Variants in NRXN1 observed in about 807,000 individuals in gnomAD.
NRXN1 encodes neurexin 1, also known as neurexin-1.
NRXN1 carries 39 observed loss-of-function variants against 150.9 expected under a neutral mutation model. The observed-to-expected ratio is 0.26, with a 90% CI of 0.20 to 0.34. NRXN1 has a LOEUF of 0.34. Ranked by LOEUF, NRXN1 falls within the 10% of genes least tolerant of loss-of-function variation. The pLI, the probability that NRXN1 is intolerant of heterozygous loss-of-function variation, is 1.00. For synonymous variants in NRXN1, 924 were observed against 757.0 expected (o/e 1.22, Z -3.62); for missense variants, 1,815 against 1,949.9 (o/e 0.93, Z 1.30).
intron 18 of NRXN1, among the ~76,000 whole-genome samples, chr2:50,224,003 T>C (rs751910523): frequency 5.3e-5 from 8 of 151,974 alleles, no homozygotes; most frequent in Non-Finnish European, 1.2e-4. Context: ...TACCTATAAT[T>C]GTACCCATTA....
chr2:50,345,935 T>A lies in NRXN1; in HGVS notation c.3365-108965A>T, dbSNP rs550721922. Among the ~76,000 whole-genome samples, 56 of 152,270 alleles carry A rather than the reference T, an allele frequency of 3.7e-4. 1 individual carries two copies. The East Asian group carries it at 9.1e-3, about 25-fold the overall frequency. On this transcript the variant is annotated intron_variant, in intron 17 of 22. Coordinates refer to ENST00000401669, the MANE Select transcript of NRXN1 (RefSeq NM_001330078.2). ...TCCTCCGGGAGATGGGTATGTGTAG[T>A]CAAGCCTCTCTCTGTTCCATTTAGA...
intron 5 of NRXN1, among the ~76,000 whole-genome samples, chr2:50,681,154 C>T (rs973533171): frequency 6.6e-6 from 1 of 152,170 alleles, no homozygotes; most frequent in African/African-American, 2.4e-5. Context: ...AGATAATGCA[C>T]AGACTCTAAT....
At position 51,031,965 on chromosome 2, in the gene NRXN1, A is replaced by C. The variant is rs1368043052; in HGVS notation, c.-922+16T>G. 1 of 151,976 alleles carries C rather than the reference A, an allele frequency of 6.6e-6. No homozygotes were observed. The highest frequency in any genetic ancestry group is 1.9e-4 in the East Asian group (1 of 5,158). The allele number at this position is 151,976 out of a possible 1,614,324, so 9.4% of individuals were successfully genotyped here. On this transcript the variant is annotated intron_variant, in intron 1 of 22. Coordinates refer to ENST00000401669, the MANE Select transcript of NRXN1 (RefSeq NM_001330078.2). ...CGCCCCATCCCCTCCCCCCAACCCA[A>C]ATTGAGCTTCTTTACCTGCCCGGTT...
chr2:50,815,875 C>T (rs1049725181), intron 5 of NRXN1, among the ~76,000 whole-genome samples: 4 of 152,090 alleles, frequency 2.6e-5, no homozygotes, highest in Non-Finnish European at 5.9e-5. Context: ...TTAAATAATG[C>T]ATAAGTGTAT....
intron 5 of NRXN1, among the ~76,000 whole-genome samples, chr2:50,764,640 T>C (rs1283903443): frequency 6.6e-6 from 1 of 151,960 alleles, no homozygotes; most frequent in African/African-American, 2.4e-5. Flanking sequence ...CTCAGCCATA[T>C]TGTTAGTAAG....
Position 50,437,708 on chromosome 2 carries a change from T to TTGTG in NRXN1, c.3364+27730_3364+27733dup, listed in dbSNP as rs10531409. On this transcript the variant is annotated intron_variant, in intron 17 of 22. Coordinates refer to ENST00000401669, the MANE Select transcript of NRXN1 (RefSeq NM_001330078.2). The stretch of plus-strand genomic sequence containing the variant: ...ATGATACAGGGAGTTCTGGATGCAT[T>TTGTG]TGTGTGTGTGTGTGTGTGTGTGAAA... Among the ~76,000 whole-genome samples, 914 of 149,840 alleles carry TTGTG rather than the reference T, an allele frequency of 6.1e-3. 12 individuals carry two copies. Among genetic ancestry groups the TTGTG allele is most frequent in the African/African-American group, 0.02 (839 of 40,988 alleles).
chr2:50,264,905 C>G (rs1329856173), intron 17 of NRXN1, among the ~76,000 whole-genome samples: 3 of 152,162 alleles, frequency 2.0e-5, no homozygotes, highest in East Asian at 1.9e-4. Flanking sequence ...AGAAGCTTGA[C>G]TAATCACATG....
At chr2:50,174,570 C>T (rs1051670565) in intron 18 of NRXN1, 2 of 152,086 alleles carry the variant, frequency 1.3e-5, no homozygotes, top group East Asian at 1.9e-4. Flanking sequence ...ATCACATTAA[C>T]GTCATAGCAC....
chr2:50,882,967 T>C (rs1031986920), intron 5 of NRXN1, among the ~76,000 whole-genome samples: 2 of 151,842 alleles, frequency 1.3e-5, no homozygotes, highest in African/African-American at 4.8e-5. Context: ...TTACCTGACA[T>C]ACATATTTGG....
chr2:50,846,802 T>C (rs961395549), intron 5 of NRXN1, among the ~76,000 whole-genome samples: 2 of 152,306 alleles, frequency 1.3e-5, no homozygotes, highest in Admixed American at 1.3e-4. Flanking sequence ...GCCAAGCCCC[T>C]ATAACAAAAG....
chr2:50,558,083 G>C (rs1668513266), intron 8 of NRXN1, among the ~76,000 whole-genome samples: 1 of 152,158 alleles, frequency 6.6e-6, no homozygotes, highest in East Asian at 1.9e-4. Context: ...ACAACAATCA[G>C]TTAAGATTTA....
intron 5 of NRXN1, among the ~76,000 whole-genome samples, chr2:50,758,316 C>G (rs1036094892): frequency 1.3e-5 from 2 of 151,740 alleles, no homozygotes; most frequent in Admixed American, 6.6e-5. Context: ...TAATGACTGA[C>G]TCTCTCATGA....
chr2:50,119,819 T>G (rs1703616386), intron 18 of NRXN1, among the ~76,000 whole-genome samples: 1 of 152,234 alleles, frequency 6.6e-6, no homozygotes, highest in South Asian at 2.1e-4. Context: ...CCAGTCATTT[T>G]TATATTTCAG....
chr2:50,082,243 A>G (rs1698078723), intron 19 of NRXN1, among the ~76,000 whole-genome samples: 1 of 152,228 alleles, frequency 6.6e-6, no homozygotes, highest in Non-Finnish European at 1.5e-5. Context: ...AAAGTCCTTC[A>G]AGACAATCTC....
rs538898544 is a variant in NRXN1 at position 50,926,065 on chromosome 2, A to G, written c.773-110T>C. ...CCTCATGCAAGGCACCAAACACATC[A>G]TGCAAGTGCTCCATCACTATCATTC... is the stretch of plus-strand genomic sequence containing the variant. On this transcript the variant is annotated intron_variant, in intron 2 of 22. Coordinates refer to ENST00000401669, the MANE Select transcript of NRXN1 (RefSeq NM_001330078.2). The G allele has an allele frequency of 1.0e-5, 8 of 796,932 alleles. No homozygotes were observed. In the South Asian group the frequency reaches 1.0e-4, roughly 10 times the overall value. 49.4% of individuals were successfully genotyped at this position (796,932 alleles called of 1,614,324 possible).
At chr2:50,044,802 C>T (rs1319264085) in intron 21 of NRXN1, among the ~76,000 whole-genome samples, 3 of 152,080 alleles carry the variant, frequency 2.0e-5, no homozygotes, top group Non-Finnish European at 4.4e-5. Context: ...GCAAAGTGTG[C>T]TACATATATT....
chr2:50,052,756 A>C (rs1395800172), intron 21 of NRXN1, among the ~76,000 whole-genome samples: 2 of 152,162 alleles, frequency 1.3e-5, no homozygotes, highest in Non-Finnish European at 2.9e-5. Flanking sequence ...TTAAATAAAT[A>C]GTGAAAGAGT....
chr2:50,899,344 A>G (rs954687210), intron 5 of NRXN1, among the ~76,000 whole-genome samples: 2 of 152,150 alleles, frequency 1.3e-5, no homozygotes, highest in Non-Finnish European at 2.9e-5. Flanking sequence ...TGGAACATTA[A>G]ATGCTTTGAC....
intron 17 of NRXN1, among the ~76,000 whole-genome samples, chr2:50,449,538 TG>T (rs1458174159): frequency 3.3e-5 from 5 of 152,060 alleles, no homozygotes; most frequent in African/African-American, 1.2e-4. Context: ...AGTAGGTGTG[TG>T]GGGGAGGGAA....
Sources: allele counts gnomAD v4.1 joint callset (sites outside exome capture counted in the v4.1 genomes callset), GRCh38; gene constraint gnomAD v4.1.1; transcripts MANE v1.5; gene names NCBI Gene and HGNC (gene_info 2026-07-23, HGNC 2026-07-21).